Variants in AFG1L observed in about 807,000 individuals in gnomAD.
The protein encoded by AFG1L is AFG1-like ATPase.
AFG1L carries 53 observed loss-of-function variants against 62.2 expected under a neutral mutation model. The observed-to-expected ratio is 0.85, with a 90% CI of 0.68 to 1.07. The LOEUF (loss-of-function observed/expected upper bound fraction) is 1.07. Among genes scored for constraint, AFG1L ranks in the 50% least tolerant of loss-of-function variants. The pLI is 0.00. For synonymous variants in AFG1L, 228 were observed against 210.3 expected, an observed-to-expected ratio of 1.08 and a Z score of -0.73; for missense variants, 555 against 590.5, an observed-to-expected ratio of 0.94 and a Z score of 0.62.
chr6:108,415,230 C>T (rs1160522119), intron 7 of AFG1L, among the ~76,000 whole-genome samples: 2 of 152,156 alleles, frequency 1.3e-5, no homozygotes, highest in Non-Finnish European at 2.9e-5. Flanking sequence ...TGAAGGACCT[C>T]TTCAAGGAGA....
At chr6:108,434,558 A>G (rs1366290057) in intron 7 of AFG1L, among the ~76,000 whole-genome samples, 1 of 152,038 alleles carries the variant, frequency 6.6e-6, no homozygotes, top group African/African-American at 2.4e-5. Flanking sequence ...CATCTTTCCT[A>G]GATTTTTCTG....
intron 2 of AFG1L, among the ~76,000 whole-genome samples, chr6:108,333,016 T>A (rs182015252): frequency 3.7e-4 from 56 of 152,306 alleles, no homozygotes; most frequent in African/African-American, 1.3e-3. Context: ...ACTGATACAT[T>A]TGACTATGTT....
intron 2 of AFG1L, among the ~76,000 whole-genome samples, chr6:108,345,378 G>A (rs926007475): frequency 5.9e-5 from 9 of 151,958 alleles, no homozygotes; most frequent in Non-Finnish European, 1.3e-4. Flanking sequence ...TTGATTGAGT[G>A]AGACAGGGTC....
At chr6:108,407,408 G>A (rs1781905363) in intron 7 of AFG1L, among the ~76,000 whole-genome samples, 1 of 152,142 alleles carries the variant, frequency 6.6e-6, no homozygotes, top group Non-Finnish European at 1.5e-5. Flanking sequence ...GATAAACCCT[G>A]TGGCTCACAC....
chr6:108,347,475 C>G (rs1281354351), intron 3 of AFG1L, among the ~76,000 whole-genome samples: 1 of 152,130 alleles, frequency 6.6e-6, no homozygotes, highest in Non-Finnish European at 1.5e-5. Context: ...TCGTTATTAT[C>G]TTTAATGTAG....
intron 1 of AFG1L, among the ~76,000 whole-genome samples, chr6:108,307,607 G>A (rs1449330185): frequency 6.6e-6 from 1 of 151,886 alleles, no homozygotes; most frequent in Non-Finnish European, 1.5e-5. Flanking sequence ...ATGGGGTCTC[G>A]CCATATTGCC....
intron 10 of AFG1L, among the ~76,000 whole-genome samples, chr6:108,478,233 T>C (rs992722736): frequency 4.6e-5 from 7 of 152,214 alleles, no homozygotes; most frequent in Admixed American, 1.3e-4. Context: ...GTCAGGAGAT[T>C]GAGACCATCC....
intron 7 of AFG1L, among the ~76,000 whole-genome samples, chr6:108,431,597 C>CTTTT (rs5878977): frequency 6.1e-5 from 6 of 98,446 alleles, no homozygotes; most frequent in East Asian, 2.7e-4. Context: ...TTCTTTGTTG[C>CTTTT]TTTTTTTTTT....
chr6:108,479,416 T>C (rs185213377), intron 10 of AFG1L, among the ~76,000 whole-genome samples: 4 of 152,366 alleles, frequency 2.6e-5, no homozygotes, highest in African/African-American at 7.2e-5. Flanking sequence ...TTATCTAGAC[T>C]GTAATTGTGG....
chr6:108,373,879 G>A (rs1780126609), intron 6 of AFG1L, among the ~76,000 whole-genome samples: 1 of 152,108 alleles, frequency 6.6e-6, no homozygotes, highest in African/African-American at 2.4e-5. Flanking sequence ...CGCCTGGCCG[G>A]TAGTTCTGTT....
intron 10 of AFG1L, among the ~76,000 whole-genome samples, chr6:108,492,710 C>G (rs1013396609): frequency 1.3e-5 from 2 of 149,064 alleles, no homozygotes; most frequent in Non-Finnish European, 3.0e-5. Flanking sequence ...AACAGTTGGG[C>G]TATTTTTCTT....
chr6:108,407,997 CAAGTAAGTT>C (rs1272325048), intron 7 of AFG1L, among the ~76,000 whole-genome samples: 1 of 152,112 alleles, frequency 6.6e-6, no homozygotes, highest in Non-Finnish European at 1.5e-5. Flanking sequence ...CTTTGCAAGT[CAAGTAAGTT>C]ATGATTGGAT....
intron 7 of AFG1L, among the ~76,000 whole-genome samples, chr6:108,416,266 A>G (rs1013041895): frequency 6.6e-6 from 1 of 152,222 alleles, no homozygotes; most frequent in Non-Finnish European, 1.5e-5. Context: ...TTAAAAAGTC[A>G]GGAAACAACA....
chr6:108,512,603 T>C (rs1199336990), intron 11 of AFG1L, among the ~76,000 whole-genome samples: 2 of 152,138 alleles, frequency 1.3e-5, no homozygotes, highest in Non-Finnish European at 2.9e-5. Flanking sequence ...TAGTGGAGGA[T>C]GGAGAGACTC....
At chr6:108,489,451 A>G (rs1179280102) in intron 10 of AFG1L, among the ~76,000 whole-genome samples, 2 of 152,214 alleles carry the variant, frequency 1.3e-5, no homozygotes, top group South Asian at 2.1e-4. Context: ...TAGCAACAAC[A>G]ACAAAAAATC....
chr6:108,498,445 C>T (rs1437627087), intron 10 of AFG1L, among the ~76,000 whole-genome samples: 4 of 152,020 alleles, frequency 2.6e-5, no homozygotes, highest in East Asian at 3.8e-4. Flanking sequence ...TTAAATAACC[C>T]AAACATTTTT....
At chr6:108,503,293 A>G (rs1774274770) in intron 10 of AFG1L, among the ~76,000 whole-genome samples, 1 of 152,216 alleles carries the variant, frequency 6.6e-6, no homozygotes. Flanking sequence ...TGTGGCAGCT[A>G]TGGCCTTCCA....
chr6:108,299,238 G>A (rs745657125), intron 1 of AFG1L, among the ~76,000 whole-genome samples: 5 of 151,564 alleles, frequency 3.3e-5, no homozygotes, highest in Non-Finnish European at 7.4e-5. Context: ...TCCAGCCTGG[G>A]GGACAGAGCA....
At chr6:108,336,281 G>T (rs1778473359) in intron 2 of AFG1L, among the ~76,000 whole-genome samples, 1 of 152,122 alleles carries the variant, frequency 6.6e-6, no homozygotes, top group African/African-American at 2.4e-5. Flanking sequence ...CAATGGTGGG[G>T]GGAATGGAGA....
Sources: gnomAD v4.1 joint callset for allele counts (sites outside exome capture counted in the v4.1 genomes callset) on GRCh38, gnomAD v4.1.1 for gene constraint, MANE v1.5 for transcripts, NCBI Gene and HGNC (gene_info 2026-07-23, HGNC 2026-07-21) for gene names.